STK38L: variants seen among roughly 807,000 people sequenced by gnomAD.
STK38L encodes serine/threonine-protein kinase 38-like.
STK38L carries 28 observed loss-of-function variants against 59.7 expected under a neutral mutation model. The observed-to-expected ratio is 0.47, with a 90% CI of 0.35 to 0.64. STK38L has a LOEUF of 0.64. Among genes scored for constraint, STK38L ranks in the 30% least tolerant of loss-of-function variants. STK38L has a pLI of 0.01. For missense variants in STK38L, 314 were observed against 555.8 expected (o/e 0.56, Z 4.37); for synonymous variants, 162 against 176.8 (o/e 0.92, Z 0.66).
intron 12 of STK38L, 56 bp from the exon 13 acceptor site, chr12:27,322,087 G>T (rs1944742378): frequency 6.9e-7 from 1 of 1,452,106 alleles, no homozygotes; most frequent in Non-Finnish European, 9.5e-7. Context: ...AGAATTATTT[G>T]TTGGAAATTG....
At chr12:27,254,123 T>G (rs1474333893) in intron 1 of STK38L, among the ~76,000 whole-genome samples, 2 of 152,212 alleles carry the variant, frequency 1.3e-5, no homozygotes, top group Admixed American at 1.3e-4. Context: ...CCGAGGTTGT[T>G]GTATAAAGAG....
intron 3 of STK38L, among the ~76,000 whole-genome samples, chr12:27,305,127 T>C (rs1015364730): frequency 1.3e-5 from 2 of 152,234 alleles, no homozygotes; most frequent in Admixed American, 1.3e-4. Context: ...CATTGGCCCC[T>C]GTGGCCAAGG....
intron 1 of STK38L, among the ~76,000 whole-genome samples, chr12:27,280,816 G>T (rs1943637913): frequency 6.6e-6 from 1 of 152,190 alleles, no homozygotes; most frequent in Admixed American, 6.5e-5. Flanking sequence ...ATTTCCAACA[G>T]CTTATAAAAC....
chr12:27,300,629 G>A (rs1192805548), intron 2 of STK38L: 2 of 455,854 alleles, frequency 4.4e-6, no homozygotes, highest in African/African-American at 4.0e-5. Context: ...AGAATCTGAT[G>A]TTAGGAGATT....
chr12:27,305,309 C>T (rs1247137607), intron 3 of STK38L, among the ~76,000 whole-genome samples: 1 of 152,196 alleles, frequency 6.6e-6, no homozygotes, highest in African/African-American at 2.4e-5. Flanking sequence ...ACTACATTTA[C>T]AGCTATTTTC....
At chr12:27,317,198 G>C (rs1274155700) in intron 9 of STK38L, 138 bp from the exon 10 acceptor site, 2 of 648,424 alleles carry the variant, frequency 3.1e-6, no homozygotes, top group Non-Finnish European at 5.5e-6. Flanking sequence ...ACTAAGCCTT[G>C]CACATGATAA....
At position 27,322,449 on chromosome 12, in the gene STK38L, G is replaced by A. The variant is rs2136654961; in HGVS notation, c.1389G>A (p.Lys463=). The A allele has an allele frequency of 6.2e-7, 1 of 1,612,228 alleles. No individual in the cohort carries two copies. ...GSIPTYMKAG[K]L is the part of the protein sequence containing the mutation. ...TCCCCACCTACATGAAAGCTGGGAA[G>A]TTATGAATGAAGATAACATTCACCC... is the stretch of plus-strand genomic sequence containing the variant. Residue 463 remains lysine (K), a synonymous_variant, in exon 14 of 14, where the codon AAG becomes AAA. Transcript: ENST00000389032.
chr12:27,323,353 A>G lies in STK38L; in HGVS notation c.*898A>G, dbSNP rs1327044075. ...CTGCTTGTAGAATTAGTGTATTTTT[A>G]TTAAACTATTTTTTTAAATGTCAAA... is the stretch of plus-strand genomic sequence containing the variant. On this transcript the variant is annotated 3_prime_UTR_variant, in exon 14 of 14. Transcript: ENST00000389032. 6.6e-6 allele frequency: 1 copy of G among 152,552 alleles called. No individual in the cohort carries two copies. The highest frequency in any genetic ancestry group is 1.5e-5 in the Non-Finnish European group (1 of 67,974). 9.4% of individuals were successfully genotyped at this position (152,552 alleles called of 1,614,324 possible). A position where few individuals can be genotyped will look rare whatever the true frequency, so the allele number is the denominator to read the frequency against.
rs142637370 is a variant in STK38L at position 27,267,577 on chromosome 12, T to A, written c.-12+23245T>A. 2.4e-3 allele frequency among the ~76,000 whole-genome samples: 370 copies of A among 152,368 alleles called. 8 individuals carry two copies. In the East Asian group the frequency reaches 0.066, roughly 27 times the overall value. On this transcript the variant is annotated intron_variant, in intron 1 of 13. Coordinates refer to ENST00000389032, the MANE Select transcript of STK38L (RefSeq NM_015000.4). ...GATGCAGTGTCTCCTATTCTGCATG[T>A]GCAGGAGTATTTTTACAGTATGTAC...
chr12:27,253,464 C>T (rs1179113536), intron 1 of STK38L, among the ~76,000 whole-genome samples: 1 of 152,106 alleles, frequency 6.6e-6, no homozygotes, highest in Admixed American at 6.5e-5. Flanking sequence ...AGAACCTAGG[C>T]AGTTCTTTCA....
intron 12 of STK38L, 80 bp downstream of exon 12, chr12:27,319,503 T>G: frequency 2.1e-6 from 2 of 934,398 alleles, no homozygotes; most frequent in South Asian, 1.5e-5. Flanking sequence ...CCTCTGATTC[T>G]GCTAGATTAA....
chr12:27,307,585 T>C (rs1310900340), intron 3 of STK38L, among the ~76,000 whole-genome samples: 1 of 152,230 alleles, frequency 6.6e-6, no homozygotes, highest in Non-Finnish European at 1.5e-5. Context: ...ACTTAGTGTT[T>C]CCTCTACTAG....
intron 1 of STK38L, among the ~76,000 whole-genome samples, chr12:27,270,375 G>C (rs1421031695): frequency 1.3e-5 from 2 of 151,504 alleles, no homozygotes; most frequent in Admixed American, 6.6e-5. Context: ...CCAGCTGATT[G>C]ATTCTTATTT....
chr12:27,304,258 C>CA (rs34994566), intron 3 of STK38L, among the ~76,000 whole-genome samples: 5,858 of 62,410 alleles, frequency 0.094, 487 homozygotes, highest in African/African-American at 0.25. Context: ...GAGTCTGTCT[C>CA]AAAAAAAAAA....
At chr12:27,252,351 C>A (rs1427735101) in intron 1 of STK38L, among the ~76,000 whole-genome samples, 1 of 151,402 alleles carries the variant, frequency 6.6e-6, no homozygotes, top group Non-Finnish European at 1.5e-5. Flanking sequence ...GTATTCACTT[C>A]TGGAAAGTGA....
chr12:27,313,182 A>G (rs1379920766), intron 6 of STK38L, among the ~76,000 whole-genome samples: 1 of 149,580 alleles, frequency 6.7e-6, no homozygotes, highest in Non-Finnish European at 1.5e-5. Context: ...CGGGAGGCGG[A>G]GCTTGCAGTG....
At chr12:27,274,364 A>G (rs1943488179) in intron 1 of STK38L, among the ~76,000 whole-genome samples, 1 of 152,182 alleles carries the variant, frequency 6.6e-6, no homozygotes, top group South Asian at 2.1e-4. Flanking sequence ...GAACTTAACT[A>G]TCCTCTCCAT....
At position 27,295,562 on chromosome 12, in the gene STK38L, C is replaced by T. The variant is rs367993850; in HGVS notation, c.-11-2148C>T. On this transcript the variant is annotated intron_variant, in intron 1 of 13. Transcript: ENST00000389032. Reference sequence around the variant, plus strand: ...ACTGCGCCCCCTCCCTCCCCCCAATCAATAGGTTGTCTCATTCATTCATTC... The same window carrying T: ...ACTGCGCCCCCTCCCTCCCCCCAATTAATAGGTTGTCTCATTCATTCATTC... 3.9e-5 allele frequency among the ~76,000 whole-genome samples: 6 copies of T among 152,002 alleles called. No individual in the cohort carries two copies. The East Asian group carries it at 5.8e-4, about 15-fold the overall frequency.
At chr12:27,319,280 C>G in intron 11 of STK38L, 48 bp from the exon 12 acceptor site, 1 of 1,251,296 alleles carries the variant, frequency 8.0e-7, no homozygotes, top group Non-Finnish European at 1.2e-6. Context: ...AGCTAGAATA[C>G]TTTAGATGTA....
Sources: allele counts gnomAD v4.1 joint callset (sites outside exome capture counted in the v4.1 genomes callset), GRCh38; gene constraint gnomAD v4.1.1; transcripts MANE v1.5; gene names NCBI Gene and HGNC (gene_info 2026-07-23, HGNC 2026-07-21).